Variants in VPS41 observed in about 807,000 individuals in gnomAD.
The protein encoded by VPS41 is vacuolar protein sorting-associated protein 41 homolog.
Under a neutral mutation model 130.9 loss-of-function variants are expected in VPS41, and 85 were observed. The observed-to-expected ratio is 0.65, with a 90% CI of 0.55 to 0.78. The LOEUF is 0.78. VPS41 is among the 30% of genes least tolerant of loss of function. The pLI is 0.00. For synonymous variants in VPS41, 335 were observed against 332.9 expected (o/e 1.01, Z -0.07); for missense variants, 874 against 1,018.7 (o/e 0.86, Z 1.93).
chr7:38,875,847 T>C (rs1396779825), intron 2 of VPS41, among the ~76,000 whole-genome samples: 2 of 152,336 alleles, frequency 1.3e-5, no homozygotes, highest in East Asian at 3.9e-4. Flanking sequence ...ACAAGCAATA[T>C]TGCTATTAAG....
At chr7:38,768,342 T>C (rs865902573) in intron 14 of VPS41, among the ~76,000 whole-genome samples, 2 of 152,082 alleles carry the variant, frequency 1.3e-5, no homozygotes, top group Non-Finnish European at 2.9e-5. Flanking sequence ...ATAAGAAACG[T>C]TGGGTGTTGA....
rs181698408 is a variant in VPS41, at chr7:38,872,580, C to T, written c.61-3327G>A. 6.8e-4 allele frequency among the ~76,000 whole-genome samples: 103 copies of T among 152,208 alleles called. 1 individual carries two copies. The highest frequency in any genetic ancestry group is 1.4e-3 in the Admixed American group (22 of 15,284). On this transcript the variant is annotated intron_variant, in intron 2 of 28. Transcript: ENST00000310301. ...AGATGATATACCTGTTATTAACTTT[C>T]CAAGAATAACTTTAAGAACTAATAG...
In VPS41 at chr7:38,793,869, C is replaced by T. The variant is rs77099546; in HGVS notation, c.717+1596G>A. Among the ~76,000 whole-genome samples the T allele has an allele frequency of 8.9e-3, 1,348 of 152,202 alleles. 17 individuals are homozygous for T. The highest frequency in any genetic ancestry group is 0.031 in the African/African-American group (1,281 of 41,534). ...TCTGCCTCCCTCTCATAAAGATAAA[C>T]GTGATTGCATTTAGGGCCCACCCAG... On this transcript the variant is annotated intron_variant, in intron 9 of 28. Coordinates refer to ENST00000310301, the MANE Select transcript of VPS41 (RefSeq NM_014396.4).
chr7:38,731,156 C>T (rs965151641), intron 25 of VPS41, among the ~76,000 whole-genome samples: 1 of 152,152 alleles, frequency 6.6e-6, no homozygotes, highest in African/African-American at 2.4e-5. Context: ...TATATGATCC[C>T]AGGCAGGTAT....
intron 7 of VPS41, among the ~76,000 whole-genome samples, chr7:38,817,612 C>T (rs939868453): frequency 6.6e-6 from 1 of 152,114 alleles, no homozygotes; most frequent in Non-Finnish European, 1.5e-5. Context: ...AGCAAGACTC[C>T]GTCTCAACAA....
At chr7:38,858,758 A>AGC (rs1264742266) in intron 4 of VPS41, among the ~76,000 whole-genome samples, 13 of 152,230 alleles carry the variant, frequency 8.5e-5, no homozygotes, top group African/African-American at 3.1e-4. Flanking sequence ...TATAAAGTCT[A>AGC]GCACACACAA....
intron 3 of VPS41, among the ~76,000 whole-genome samples, chr7:38,868,568 T>C (rs1368116807): frequency 2.6e-5 from 4 of 152,098 alleles, no homozygotes; most frequent in Non-Finnish European, 2.9e-5. Context: ...ACACAAACTG[T>C]TTTGGTCCAA....
chr7:38,831,122 T>G, intron 4 of VPS41: 2 of 448,628 alleles, frequency 4.5e-6, no homozygotes, highest in Non-Finnish European at 9.1e-6. Flanking sequence ...TTGAATATCT[T>G]CTGTTAATAG....
chr7:38,884,949 T>A (rs1786690046), intron 2 of VPS41, among the ~76,000 whole-genome samples: 1 of 151,794 alleles, frequency 6.6e-6, no homozygotes, highest in South Asian at 2.1e-4. Flanking sequence ...AATGTTAGGC[T>A]AATAATTTGA....
intron 2 of VPS41, among the ~76,000 whole-genome samples, chr7:38,897,203 A>AAAAG (rs896849914): frequency 1.3e-5 from 2 of 151,502 alleles, no homozygotes; most frequent in African/African-American, 4.8e-5. Context: ...TCAAAAAAAA[A>AAAAG]AAAAAAAAAA....
intron 9 of VPS41, among the ~76,000 whole-genome samples, chr7:38,795,058 T>C (rs539249069): frequency 2.0e-5 from 3 of 152,144 alleles, no homozygotes; most frequent in Admixed American, 6.5e-5. Context: ...TTTAACCTTC[T>C]CTCTCCACTA....
intron 1 of VPS41, among the ~76,000 whole-genome samples, chr7:38,908,537 C>T (rs888755707): frequency 6.6e-6 from 1 of 152,208 alleles, no homozygotes; most frequent in Admixed American, 6.5e-5. Context: ...CTCTCTCCAT[C>T]TTAAACCACC....
chr7:38,886,480 C>T (rs865995643), intron 2 of VPS41, among the ~76,000 whole-genome samples: 4 of 152,260 alleles, frequency 2.6e-5, no homozygotes, highest in South Asian at 2.1e-4. Flanking sequence ...CTTGAGTAGG[C>T]GGTTCTATGC....
At chr7:38,734,951 G>A (rs900357355) in intron 25 of VPS41, among the ~76,000 whole-genome samples, 4 of 152,204 alleles carry the variant, frequency 2.6e-5, no homozygotes, top group South Asian at 2.1e-4. Flanking sequence ...CTTTGCTTTC[G>A]GCTGGGATTC....
chr7:38,843,545 G>A (rs569881172), intron 4 of VPS41, among the ~76,000 whole-genome samples: 4 of 122,970 alleles, frequency 3.3e-5, no homozygotes, highest in South Asian at 2.2e-4. Flanking sequence ...AGCCGGGCGC[G>A]GTGCTGGGCG....
At chr7:38,804,973 G>A (rs1475885810) in intron 7 of VPS41, among the ~76,000 whole-genome samples, 1 of 152,134 alleles carries the variant, frequency 6.6e-6, no homozygotes, top group African/African-American at 2.4e-5. Flanking sequence ...TACATTTTCC[G>A]GGCTGGGCCC....
At chr7:38,801,796 A>T (rs1186717730) in intron 7 of VPS41, among the ~76,000 whole-genome samples, 1 of 152,218 alleles carries the variant, frequency 6.6e-6, no homozygotes, top group Non-Finnish European at 1.5e-5. Flanking sequence ...TAAGTAGGCT[A>T]TCCGAGTCTA....
intron 5 of VPS41, among the ~76,000 whole-genome samples, chr7:38,824,329 C>T (rs1785230016): frequency 6.6e-6 from 1 of 152,164 alleles, no homozygotes; most frequent in Non-Finnish European, 1.5e-5. Context: ...CCACCCTGAA[C>T]AAACAAACTC....
intron 3 of VPS41, among the ~76,000 whole-genome samples, chr7:38,864,816 T>C (rs1303038760): frequency 1.3e-5 from 2 of 151,964 alleles, no homozygotes; most frequent in African/African-American, 2.4e-5. Context: ...AAAGAATAAA[T>C]ATAATTTCAC....
Sources: gnomAD v4.1 joint callset for allele counts (sites outside exome capture counted in the v4.1 genomes callset) on GRCh38, gnomAD v4.1.1 for gene constraint, MANE v1.5 for transcripts, NCBI Gene and HGNC (gene_info 2026-07-23, HGNC 2026-07-21) for gene names.